The following CRYBG2 variants were observed in gnomAD, a reference collection of about 807,000 sequenced individuals.
The protein encoded by CRYBG2 is beta/gamma crystallin domain-containing protein 2.
A neutral mutation model predicts 153.4 loss-of-function variants in CRYBG2; 106 were observed. The observed-to-expected ratio is 0.69, with a 90% CI of 0.59 to 0.81. The LOEUF is 0.81. Ranked by LOEUF, CRYBG2 falls within the 30% of genes least tolerant of loss-of-function variation. CRYBG2 has a pLI of 0.00. For synonymous variants in CRYBG2, 851 were observed against 877.8 expected (o/e 0.97, Z 0.54); for missense variants, 1,996 against 2,112.0 (o/e 0.95, Z 1.08).
chr1:26,321,964 A>C lies in CRYBG2; in HGVS notation c.*4T>G. Reference sequence around the variant, plus strand: ...TCCAGGGCTGGAGGGTGAGGGGAAAAGTTTCAAAGCACGTGGATAGTCCAG... The same window carrying C: ...TCCAGGGCTGGAGGGTGAGGGGAAACGTTTCAAAGCACGTGGATAGTCCAG... On this transcript the variant is annotated 3_prime_UTR_variant, in exon 20 of 20. Coordinates refer to ENST00000308182, the MANE Select transcript of CRYBG2 (RefSeq NM_001039775.4). 1 of 1,560,898 alleles carries C rather than the reference A, an allele frequency of 6.4e-7. No individual in the cohort carries two copies. The highest frequency in any genetic ancestry group is 2.3e-5 in the East Asian group (1 of 42,846).
rs1316083532 is a variant in CRYBG2 at position 26,336,795 on chromosome 1, C to T, written c.3911+46G>A. The T allele has an allele frequency of 6.4e-7, 1 of 1,554,502 alleles. No individual in the cohort carries two copies. Among genetic ancestry groups the T allele is most frequent in the Non-Finnish European group, 8.7e-7 (1 of 1,151,014 alleles). ...GCCTGCACCTCTCCTGGAACCGCCCCCGGCTCGCCCGGGCCCGCCCCGCTC... is the reference window on the plus strand; with the variant it reads ...GCCTGCACCTCTCCTGGAACCGCCCTCGGCTCGCCCGGGCCCGCCCCGCTC... On this transcript the variant is annotated intron_variant, in intron 11 of 19. Coordinates refer to ENST00000308182, the MANE Select transcript of CRYBG2 (RefSeq NM_001039775.4). This position sits in a 1 kb window ranked among gnomAD's most constrained non-coding sequence, Gnocchi z 4.9.
Position 26,346,112 on chromosome 1 carries a change from TGTG to T in CRYBG2, c.543_545del (p.Thr182del), listed in dbSNP as rs2074215877. The T allele has an allele frequency of 2.5e-6, 4 of 1,569,896 alleles. No homozygotes were observed. The highest frequency in any genetic ancestry group is 3.4e-6 in the Non-Finnish European group (4 of 1,161,878). Reference sequence around the variant, plus strand: ...GCCGGTCCACATGACCTCCCACCACTGTGGTGGTCCGCACAGTGCGTGTCACTC... The same window carrying T: ...GCCGGTCCACATGACCTCCCACCACTGTGGTCCGCACAGTGCGTGTCACTC... On this transcript the variant is annotated inframe_deletion, in exon 2 of 20. Transcript: ENST00000308182. The surrounding 1 kb of genome is among the most constrained non-coding windows in gnomAD (Gnocchi z 4.9).
rs1254727863 is a variant in CRYBG2, at chr1:26,324,318, C to T, written c.4579-8G>A. 7 of 1,599,188 alleles carry T rather than the reference C, an allele frequency of 4.4e-6. No individual in the cohort carries two copies. The highest frequency in any genetic ancestry group is 6.0e-6 in the Non-Finnish European group (7 of 1,176,206). ...GCGGAAATAAACCCGGCGCTGGTGGCAGAAAGAGGCTGAGAGTCAGGGGTG... is the reference window on the plus strand; with the variant it reads ...GCGGAAATAAACCCGGCGCTGGTGGTAGAAAGAGGCTGAGAGTCAGGGGTG... On this transcript the variant is annotated splice_region_variant and splice_polypyrimidine_tract_variant and intron_variant, in intron 17 of 19. Coordinates refer to ENST00000308182, the MANE Select transcript of CRYBG2 (RefSeq NM_001039775.4).
Position 26,337,642 on chromosome 1 carries a change from G to T in CRYBG2, c.3540C>A (p.Gly1180=), listed in dbSNP as rs1180567956. The T allele has an allele frequency of 3.1e-6, 5 of 1,612,446 alleles. No homozygotes were observed. In the South Asian group the frequency reaches 3.3e-5, roughly 11 times the overall value. ...TGTCTCGGCTCACTTCCCAGCTGCGGCCCTGAAAGCCTGGGGCCTCATACA... is the reference window on the plus strand; with the variant it reads ...TGTCTCGGCTCACTTCCCAGCTGCGTCCCTGAAAGCCTGGGGCCTCATACA... ...AVVYEAPGFQ[G]RSWEVSRDIY... The change falls in exon 9 of 20, where the codon GGC becomes GGA. Residue 1180 remains glycine (G), a synonymous_variant. Transcript: ENST00000308182.
At chr1:26,338,162 C>T (rs2074085304) in intron 7 of CRYBG2, 115 bp from the exon 8 acceptor site, 5 of 1,462,608 alleles carry the variant, frequency 3.4e-6, no homozygotes, top group Non-Finnish European at 4.7e-6. Context: ...CCCTTTTCCC[C>T]TACCTCTTAG....
At position 26,343,608 on chromosome 1, in the gene CRYBG2, C is replaced by A. The variant is rs745512253; in HGVS notation, c.2913+137G>T. On this transcript the variant is annotated intron_variant, in intron 2 of 19. Transcript: ENST00000308182. This position sits in a 1 kb window ranked among gnomAD's most constrained non-coding sequence, Gnocchi z 4.1. ...GAGGCCCAGAGAGATGTGGCTTGCA[C>A]AGGTCAACTGAACCAGACTTCAGAC... 4 of 1,173,232 alleles carry A rather than the reference C, an allele frequency of 3.4e-6. No individual in the cohort carries two copies. Among genetic ancestry groups the A allele is most frequent in the Admixed American group, 2.9e-5 (1 of 34,460 alleles). The allele number at this position is 1,173,232 out of a possible 1,614,324, so 72.7% of individuals were successfully genotyped here. A position where few individuals can be genotyped will look rare whatever the true frequency, so the allele number is the denominator to read the frequency against.
chr1:26,339,001 C>T (rs903540450), intron 6 of CRYBG2, among the ~76,000 whole-genome samples: 1 of 152,234 alleles, frequency 6.6e-6, no homozygotes, highest in African/African-American at 2.4e-5. Flanking sequence ...AACAAGCATA[C>T]ACAATCTCTG....
chr1:26,333,098 G>A (rs1055364400), intron 14 of CRYBG2, among the ~76,000 whole-genome samples: 2 of 140,300 alleles, frequency 1.4e-5, no homozygotes, highest in East Asian at 4.7e-4. Flanking sequence ...GGACAGAGAT[G>A]AAAGCTGTTG....
chr1:26,327,244 A>C (rs1420096864), intron 17 of CRYBG2, among the ~76,000 whole-genome samples: 1 of 151,856 alleles, frequency 6.6e-6, no homozygotes, highest in Non-Finnish European at 1.5e-5. Context: ...CGAAGTGGGC[A>C]GATCACAAGT....
rs374670768 is a variant in CRYBG2, at chr1:26,324,270, C to A, written c.4619G>T (p.Gly1540Val). The A allele has an allele frequency of 6.2e-7, 1 of 1,610,608 alleles. No homozygotes were observed. Among genetic ancestry groups the A allele is most frequent in the African/African-American group, 1.3e-5 (1 of 74,872 alleles). ...YFRLWNAALGGFLAVPDHVED... is the reference protein window; with the variant it reads ...YFRLWNAALGVFLAVPDHVED... ...CACATGGTCCGGCACTGCCAGGAAT[C>A]CCCCCAGTGCTGCATTCCAGAGGCG... The change falls in exon 18 of 20, where the codon GGA becomes GTA. Residue 1540 changes from glycine (G) to valine (V), a missense_variant. Transcript: ENST00000308182.
chr1:26,333,014 C>CAAAAGAAAA (rs2074014807), intron 14 of CRYBG2, among the ~76,000 whole-genome samples: 1 of 71,912 alleles, frequency 1.4e-5, no homozygotes, highest in African/African-American at 5.0e-5. Context: ...CACCAAACCC[C>CAAAAGAAAA]AAAAAAAAAA....
intron 17 of CRYBG2, among the ~76,000 whole-genome samples, chr1:26,327,562 T>C (rs1235231783): frequency 6.6e-6 from 1 of 151,080 alleles, no homozygotes; most frequent in Non-Finnish European, 1.5e-5. Flanking sequence ...GGTAGGAGAA[T>C]CACTTGAATC....
Position 26,344,132 on chromosome 1 carries a change from A to T in CRYBG2, c.2526T>A (p.Asp842Glu), listed in dbSNP as rs1203016906. ...EEPENPYLSD[D>E]EKLQRRQEKA... Reference sequence around the variant, plus strand: ...TCTCCTGCCTGCGCTGGAGCTTCTCATCGTCACTCAGATAGGGGTTCTCTG... The same window carrying T: ...TCTCCTGCCTGCGCTGGAGCTTCTCTTCGTCACTCAGATAGGGGTTCTCTG... The change falls in exon 2 of 20, where the codon GAT becomes GAA. Residue 842 changes from aspartate to glutamate, a missense_variant. Physicochemically the swap from Asp to Glu is conservative, Grantham distance 45. Coordinates refer to ENST00000308182, the MANE Select transcript of CRYBG2 (RefSeq NM_001039775.4). The T allele has an allele frequency of 1.3e-6, 2 of 1,535,752 alleles. No homozygotes were observed. Among genetic ancestry groups the T allele is most frequent in the East Asian group, 2.4e-5 (1 of 40,904 alleles).
chr1:26,348,280 G>C (rs929358935), intron 1 of CRYBG2, among the ~76,000 whole-genome samples: 1 of 152,092 alleles, frequency 6.6e-6, no homozygotes, highest in African/African-American at 2.4e-5. Flanking sequence ...CTCAGAGCTG[G>C]ATGCAGTGGC....
At chr1:26,347,681 G>A (rs1358139636) in intron 1 of CRYBG2, among the ~76,000 whole-genome samples, 5 of 151,748 alleles carry the variant, frequency 3.3e-5, no homozygotes, top group East Asian at 1.9e-4. Flanking sequence ...TTGTAGAGAC[G>A]GGGTTTCGCC....
chr1:26,325,232 A>G lies in CRYBG2; in HGVS notation c.4579-922T>C, dbSNP rs150843974. On this transcript the variant is annotated intron_variant, in intron 17 of 19. Transcript: ENST00000308182. This position sits in a 1 kb window ranked among gnomAD's most constrained non-coding sequence, Gnocchi z 4.1. ...TTATACAAAGATACACACACTGTCAATGGTGTCACAAGTACAAGCATGCGC... is the reference window on the plus strand; with the variant it reads ...TTATACAAAGATACACACACTGTCAGTGGTGTCACAAGTACAAGCATGCGC... 3.3e-5 allele frequency: 5 copies of G among 152,350 alleles called. No homozygotes were observed. Among genetic ancestry groups the G allele is most frequent in the African/African-American group, 9.6e-5 (4 of 41,580 alleles). The allele number at this position is 152,350 out of a possible 1,614,324, so 9.4% of individuals were successfully genotyped here. A position where few individuals can be genotyped will look rare whatever the true frequency, so the allele number is the denominator to read the frequency against.
chr1:26,337,271 G>T lies in CRYBG2; in HGVS notation c.3753C>A (p.Ser1251=). The change falls in exon 10 of 20, where the codon TCC becomes TCA. Residue 1251 remains serine, a synonymous_variant. Transcript: ENST00000308182. The part of the protein sequence containing the change: ...HWGGYDELLT[S]LRVIRTDFGD... ...TGCTTACCGTCCGGATGACCCGGAG[G>T]GAGGTCAGCAACTCGTCATAGCCTC... 6.2e-7 allele frequency: 1 copy of T among 1,614,104 alleles called. No homozygotes were observed. Among genetic ancestry groups the T allele is most frequent in the Non-Finnish European group, 8.5e-7 (1 of 1,179,996 alleles).
Position 26,344,095 on chromosome 1 carries a change from T to C in CRYBG2, c.2563A>G (p.Ser855Gly). Residue 855 changes from serine to glycine, a missense_variant, in exon 2 of 20, where the codon AGC (serine) becomes GGC (glycine). By Grantham distance (56) the Ser-to-Gly change is moderately conservative. Transcript: ENST00000308182. ...GCAGGGTGGAGGTCCCTGGAGGGGC[T>C]GGGCCCAGCTTTCTCCTGCCTGCGC... ...LQRRQEKAGP[S>G]PSRDLHPARP... 1 of 1,536,102 alleles carries C rather than the reference T, an allele frequency of 6.5e-7. No individual in the cohort carries two copies. The highest frequency in any genetic ancestry group is 8.7e-7 in the Non-Finnish European group (1 of 1,146,880).
rs779678181 is a variant in CRYBG2 at position 26,345,699 on chromosome 1, G to T, written c.959C>A (p.Ala320Asp). The change falls in exon 2 of 20, where the codon GCC (alanine) becomes GAC (aspartate). Residue 320 changes from alanine to aspartate, a missense_variant. Coordinates refer to ENST00000308182, the MANE Select transcript of CRYBG2 (RefSeq NM_001039775.4). The stretch of plus-strand genomic sequence containing the variant: ...GAGCTCACAGGCCCTGGCATCCGGG[G>T]CTCTGCCCTGGTCTCTGTCCGGACA... ...AACPDRDQGR[A>D]PDARACELWQ... 3.1e-6 allele frequency: 5 copies of T among 1,598,000 alleles called. No homozygotes were observed. Among genetic ancestry groups the T allele is most frequent in the Admixed American group, 3.3e-5 (2 of 59,836 alleles).
Sources: gnomAD v4.1 joint callset for allele counts (sites outside exome capture counted in the v4.1 genomes callset) on GRCh38, gnomAD v4.1.1 for gene constraint, Gnocchi (gnomAD v3.1) non-coding constraint, MANE v1.5 for transcripts, NCBI Gene and HGNC (gene_info 2026-07-23, HGNC 2026-07-21) for gene names.